SRPK2: variants seen among roughly 807,000 people sequenced by gnomAD.
The protein encoded by SRPK2 is SFRS protein kinase 2.
Under a neutral mutation model 90.8 loss-of-function variants are expected in SRPK2, and 21 were observed. The observed-to-expected ratio is 0.23, with a 90% CI of 0.16 to 0.33. The LOEUF (loss-of-function observed/expected upper bound fraction) is 0.33, where lower values mean the gene tolerates loss of function less well. Among genes scored for constraint, SRPK2 ranks in the 10% least tolerant of loss-of-function variants. The pLI is 1.00. For synonymous variants in SRPK2, 288 were observed against 311.1 expected, an observed-to-expected ratio of 0.93 and a Z score of 0.78; for missense variants, 620 against 869.0, an observed-to-expected ratio of 0.71 and a Z score of 3.60.
chr7:105,154,736 A>G (rs965063034), intron 7 of SRPK2, among the ~76,000 whole-genome samples: 1 of 152,094 alleles, frequency 6.6e-6, no homozygotes. Flanking sequence ...AGCAGCAGTG[A>G]CACAATCTCG....
At chr7:105,367,713 C>G (rs1478024069) in intron 2 of SRPK2, among the ~76,000 whole-genome samples, 3 of 152,190 alleles carry the variant, frequency 2.0e-5, no homozygotes, top group Non-Finnish European at 4.4e-5. Context: ...GTTTGCACTT[C>G]TCTTGACTGC....
At chr7:105,362,341 C>T (rs1818521788) in intron 2 of SRPK2, among the ~76,000 whole-genome samples, 1 of 152,084 alleles carries the variant, frequency 6.6e-6, no homozygotes, top group Non-Finnish European at 1.5e-5. Context: ...GGCGCGGTGG[C>T]TCACGCCTGT....
At chr7:105,344,576 T>C (rs546095239) in intron 2 of SRPK2, among the ~76,000 whole-genome samples, 45 of 152,136 alleles carry the variant, frequency 3.0e-4, no homozygotes, top group African/African-American at 1.1e-3. Flanking sequence ...ATCTTCTGAA[T>C]TTTTTCAATC....
At chr7:105,193,003 G>A (rs1027422876) in intron 3 of SRPK2, among the ~76,000 whole-genome samples, 1 of 152,108 alleles carries the variant, frequency 6.6e-6, no homozygotes, top group African/African-American at 2.4e-5. Context: ...TGTTTACTCT[G>A]CTGACTCTTC....
chr7:105,200,543 T>G (rs1351879521), intron 3 of SRPK2, among the ~76,000 whole-genome samples: 1 of 152,034 alleles, frequency 6.6e-6, no homozygotes, highest in African/African-American at 2.4e-5. Flanking sequence ...GAATGGGTTA[T>G]ATATGTAGTC....
chr7:105,380,947 TAAAA>T (rs869039181), intron 2 of SRPK2, among the ~76,000 whole-genome samples: 5 of 104,140 alleles, frequency 4.8e-5, no homozygotes, highest in African/African-American at 7.1e-5. Context: ...TTTATTACTT[TAAAA>T]AAAAAAAAAA....
intron 2 of SRPK2, among the ~76,000 whole-genome samples, chr7:105,331,320 A>AAAC: frequency 7.6e-6 from 1 of 131,610 alleles, no homozygotes; most frequent in Non-Finnish European, 1.7e-5. Flanking sequence ...AAAAAAAAAA[A>AAAC]AAAAAAAAAA....
At chr7:105,333,279 A>C (rs1288518853) in intron 2 of SRPK2, among the ~76,000 whole-genome samples, 1 of 152,268 alleles carries the variant, frequency 6.6e-6, no homozygotes, top group Non-Finnish European at 1.5e-5. Flanking sequence ...TTACATTGGA[A>C]ATTATAACAA....
At chr7:105,192,719 G>T (rs1365552923) in intron 3 of SRPK2, among the ~76,000 whole-genome samples, 3 of 151,912 alleles carry the variant, frequency 2.0e-5, no homozygotes, top group South Asian at 2.1e-4. Flanking sequence ...ATTATTTTTT[G>T]ATTTTTTGAT....
At chr7:105,139,721 A>G (rs1205406994) in intron 11 of SRPK2, among the ~76,000 whole-genome samples, 1 of 152,186 alleles carries the variant, frequency 6.6e-6, no homozygotes, top group Non-Finnish European at 1.5e-5. Context: ...TATTATTATT[A>G]TATGTTATTT....
rs574628359 is a variant in SRPK2, at chr7:105,268,748, G to C, written c.72-64963C>G. The C allele has an allele frequency of 6.1e-5, 94 of 1,533,316 alleles. 1 individual carries two copies. In the South Asian group the frequency reaches 9.0e-4, roughly 15 times the overall value. The allele number at this position is 1,533,316 out of a possible 1,614,324, so 95.0% of individuals were successfully genotyped here. A position where few individuals can be genotyped will look rare whatever the true frequency, so the allele number is the denominator to read the frequency against. On this transcript the variant is annotated intron_variant, in intron 2 of 15. Coordinates refer to ENST00000393651, the MANE Select transcript of SRPK2 (RefSeq NM_182692.3). ...TTGACAAGAAAAAAAAATATGTCCT[G>C]GTTTGTTTCTTAGCAATGCTACACC...
chr7:105,373,046 G>A (rs777084452), intron 2 of SRPK2, among the ~76,000 whole-genome samples: 5 of 152,034 alleles, frequency 3.3e-5, no homozygotes, highest in African/African-American at 7.2e-5. Flanking sequence ...CCAAGATAGC[G>A]CCATTGCTCT....
rs73404052 is a variant in SRPK2, at chr7:105,120,312, G to T, written c.1916-2290C>A. On this transcript the variant is annotated intron_variant, in intron 15 of 15. Transcript: ENST00000393651. Reference sequence around the variant, plus strand: ...TAGTAAAGGAACCTATTTCTGAGGCGCCAGGTGTTAAACTAAGATCCATCA... The same window carrying T: ...TAGTAAAGGAACCTATTTCTGAGGCTCCAGGTGTTAAACTAAGATCCATCA... Among the ~76,000 whole-genome samples, 447 of 152,272 alleles carry T rather than the reference G, an allele frequency of 2.9e-3. 2 individuals are homozygous for T. The highest frequency in any genetic ancestry group is 0.01 in the African/African-American group (432 of 41,564).
chr7:105,179,403 A>G (rs1210992747), intron 3 of SRPK2, among the ~76,000 whole-genome samples: 1 of 152,234 alleles, frequency 6.6e-6, no homozygotes, highest in Non-Finnish European at 1.5e-5. Flanking sequence ...TGAGCAGGTC[A>G]GAGTTAAGAG....
chr7:105,173,588 T>C (rs2129591477), intron 3 of SRPK2, among the ~76,000 whole-genome samples: 1 of 152,218 alleles, frequency 6.6e-6, no homozygotes, highest in Middle Eastern at 3.4e-3. Context: ...ATGACCCCAA[T>C]TCCCTGGGCT....
Position 105,142,985 on chromosome 7 carries a change from T to C in SRPK2, c.1060+99A>G, listed in dbSNP as rs908076164. The C allele has an allele frequency of 4.8e-5, 71 of 1,464,362 alleles. No homozygotes were observed. In the African/African-American group the frequency reaches 9.5e-4, roughly 20 times the overall value. The allele number at this position is 1,464,362 out of a possible 1,614,324, so 90.7% of individuals were successfully genotyped here. On this transcript the variant is annotated intron_variant, in intron 10 of 15. Coordinates refer to ENST00000393651, the MANE Select transcript of SRPK2 (RefSeq NM_182692.3). ...GTTGGAGAGAATCATCCTTGTCATC[T>C]GCAGCAGCAGCACAAATCAGCCCCC...
intron 2 of SRPK2, among the ~76,000 whole-genome samples, chr7:105,305,873 AAAC>A (rs1811090541): frequency 2.0e-5 from 3 of 152,338 alleles, no homozygotes; most frequent in Admixed American, 1.3e-4. Context: ...AGACTGAGGA[AAAC>A]AAGTTCTGGA....
chr7:105,366,016 A>G (rs1585909076), intron 2 of SRPK2, among the ~76,000 whole-genome samples: 2 of 152,008 alleles, frequency 1.3e-5, no homozygotes, highest in South Asian at 2.1e-4. Context: ...TACCACGCCC[A>G]GCTAATCTTT....
At chr7:105,363,169 T>C (rs1223035926) in intron 2 of SRPK2, among the ~76,000 whole-genome samples, 1 of 151,894 alleles carries the variant, frequency 6.6e-6, no homozygotes, top group Non-Finnish European at 1.5e-5. Flanking sequence ...ACATGTACCC[T>C]AGAACTTAAA....
Sources: gnomAD v4.1 joint callset for allele counts (sites outside exome capture counted in the v4.1 genomes callset) on GRCh38, gnomAD v4.1.1 for gene constraint, MANE v1.5 for transcripts, NCBI Gene and HGNC (gene_info 2026-07-23, HGNC 2026-07-21) for gene names.